The following GALNT18 variants were observed in gnomAD, a reference collection of about 807,000 sequenced individuals.
The protein encoded by GALNT18 is GalNAc-transferase 18.
A neutral mutation model predicts 69.5 loss-of-function variants in GALNT18; 44 were observed. The observed-to-expected ratio is 0.63, with a 90% CI of 0.50 to 0.81. The LOEUF is 0.81. Among genes scored for constraint, GALNT18 ranks in the 40% least tolerant of loss-of-function variants. The probability of loss-of-function intolerance (pLI) is 0.00; values close to 1 mark genes in which losing one functional copy is unlikely to be tolerated. For missense variants in GALNT18, 715 were observed against 810.0 expected, an observed-to-expected ratio of 0.88 and a Z score of 1.42; for synonymous variants, 364 against 318.2, an observed-to-expected ratio of 1.14 and a Z score of -1.53.
chr11:11,575,879 C>T (rs79589296), intron 1 of GALNT18, among the ~76,000 whole-genome samples: 13 of 152,302 alleles, frequency 8.5e-5, no homozygotes, highest in South Asian at 4.1e-4. Flanking sequence ...CCTTTGAGGA[C>T]GAAATGCGAC....
rs768159879 is a variant in GALNT18, at chr11:11,543,754, TC to T, written c.235+77604del. ...CCAGCTGAGATCACTGACTCCTACATCCCATGGCTCTGTGATGTGACTGGGG... is the reference window on the plus strand; with the variant it reads ...CCAGCTGAGATCACTGACTCCTACATCCATGGCTCTGTGATGTGACTGGGG... On this transcript the variant is annotated intron_variant, in intron 1 of 10. Transcript: ENST00000227756. This position sits in a 1 kb window ranked among gnomAD's most constrained non-coding sequence, Gnocchi z 5.1. Among the ~76,000 whole-genome samples the T allele has an allele frequency of 1.3e-5, 2 of 152,200 alleles. No individual in the cohort carries two copies. Among genetic ancestry groups the T allele is most frequent in the Non-Finnish European group, 2.9e-5 (2 of 68,028 alleles).
Position 11,590,212 on chromosome 11 carries a change from T to C in GALNT18, c.235+31147A>G, listed in dbSNP as rs1859322230. On this transcript the variant is annotated intron_variant, in intron 1 of 10. Coordinates refer to ENST00000227756, the MANE Select transcript of GALNT18 (RefSeq NM_198516.3). The surrounding 1 kb of genome is among the most constrained non-coding windows in gnomAD (Gnocchi z 4.4). Reference sequence around the variant, plus strand: ...TACATGGCTGATTCTGTGAATAAAATGTGGTGGAAATTAGGTGCTCCATGC... The same window carrying C: ...TACATGGCTGATTCTGTGAATAAAACGTGGTGGAAATTAGGTGCTCCATGC... Among the ~76,000 whole-genome samples, 1 of 152,174 alleles carries C rather than the reference T, an allele frequency of 6.6e-6. No homozygotes were observed. Among genetic ancestry groups the C allele is most frequent in the Non-Finnish European group, 1.5e-5 (1 of 68,040 alleles).
chr11:11,333,983 A>T (rs373690496), intron 7 of GALNT18, among the ~76,000 whole-genome samples: 32 of 152,024 alleles, frequency 2.1e-4, no homozygotes, highest in African/African-American at 7.5e-4. Flanking sequence ...GATGAAGGCC[A>T]GCAAGCAGAT....
In GALNT18 at chr11:11,619,588, A is replaced by C. The variant is rs186130333; in HGVS notation, c.235+1771T>G. 6.6e-6 allele frequency among the ~76,000 whole-genome samples: 1 copy of C among 152,092 alleles called. No individual in the cohort carries two copies. The highest frequency in any genetic ancestry group is 1.5e-5 in the Non-Finnish European group (1 of 68,014). On this transcript the variant is annotated intron_variant, in intron 1 of 10. Coordinates refer to ENST00000227756, the MANE Select transcript of GALNT18 (RefSeq NM_198516.3). This position sits in a 1 kb window ranked among gnomAD's most constrained non-coding sequence, Gnocchi z 4.9. ...CCAGAAAGAAAAGCACAAGAGAATC[A>C]TTTTCCAGGAACACACACACACACA...
At position 11,435,129 on chromosome 11, in the gene GALNT18, C is replaced by G. The variant is rs79570216; in HGVS notation, c.429-2342G>C. Among the ~76,000 whole-genome samples, 3,878 of 152,336 alleles carry G rather than the reference C, an allele frequency of 0.025. 165 individuals carry two copies. The highest frequency in any genetic ancestry group is 0.089 in the African/African-American group (3,700 of 41,566). On this transcript the variant is annotated intron_variant, in intron 2 of 10. Transcript: ENST00000227756. The surrounding 1 kb of genome is among the most constrained non-coding windows in gnomAD (Gnocchi z 4.4). ...CACTGTCCTCCCTACTAAAACTCCA[C>G]CAGCAATGAAGACTTTGCTTCTGTA...
chr11:11,408,306 A>C (rs1255692972), intron 3 of GALNT18, among the ~76,000 whole-genome samples: 1 of 144,128 alleles, frequency 6.9e-6, no homozygotes, highest in East Asian at 2.1e-4. Context: ...CAGAGGCTGC[A>C]GTGAGCCAAG....
intron 9 of GALNT18, among the ~76,000 whole-genome samples, chr11:11,326,435 T>C (rs1849920118): frequency 6.6e-6 from 1 of 152,244 alleles, no homozygotes; most frequent in African/African-American, 2.4e-5. Flanking sequence ...ATGACATTCT[T>C]GGTCAAGGGT....
intron 6 of GALNT18, among the ~76,000 whole-genome samples, chr11:11,354,340 C>T (rs913449569): frequency 3.9e-5 from 6 of 152,086 alleles, no homozygotes; most frequent in African/African-American, 7.2e-5. Context: ...TTTAGAAGCA[C>T]AGTAAGATAT....
intron 2 of GALNT18, among the ~76,000 whole-genome samples, chr11:11,437,229 C>T (rs1025453732): frequency 6.6e-6 from 1 of 152,206 alleles, no homozygotes; most frequent in African/African-American, 2.4e-5. Context: ...CGAGCCCATG[C>T]TCATTTTGAG....
intron 10 of GALNT18, 152 bp from the exon 11 acceptor site, chr11:11,271,442 ATCAC>A (rs749471112): frequency 2.7e-6 from 2 of 730,636 alleles, no homozygotes; most frequent in Non-Finnish European, 4.6e-6. Flanking sequence ...AGGCTCCCCT[ATCAC>A]TCATATATTA....
rs988668807 is a variant in GALNT18, at chr11:11,505,969, C to T, written c.236-57033G>A. Among the ~76,000 whole-genome samples, 2 of 152,148 alleles carry T rather than the reference C, an allele frequency of 1.3e-5. No individual in the cohort carries two copies. Among genetic ancestry groups the T allele is most frequent in the African/African-American group, 4.8e-5 (2 of 41,432 alleles). ...AGTACAGGTTAGCAAGCATTTAAAG[C>T]TCAGCTCAGCTTTCAGGGACAAAAT... is the stretch of plus-strand genomic sequence containing the variant. On this transcript the variant is annotated intron_variant, in intron 1 of 10. Coordinates refer to ENST00000227756, the MANE Select transcript of GALNT18 (RefSeq NM_198516.3). This position sits in a 1 kb window ranked among gnomAD's most constrained non-coding sequence, Gnocchi z 4.6.
chr11:11,477,407 C>A (rs1292518839), intron 1 of GALNT18, among the ~76,000 whole-genome samples: 1 of 152,198 alleles, frequency 6.6e-6, no homozygotes, highest in Non-Finnish European at 1.5e-5. Flanking sequence ...AGAGAACTCA[C>A]ACAATCACAA....
chr11:11,287,830 C>G (rs1387732260), intron 10 of GALNT18, among the ~76,000 whole-genome samples: 8 of 152,018 alleles, frequency 5.3e-5, no homozygotes, highest in Non-Finnish European at 1.5e-5. Context: ...TTCTGCCTGC[C>G]CACCAAATGT....
chr11:11,284,447 G>GTGGTC (rs1302364031), intron 10 of GALNT18, among the ~76,000 whole-genome samples: 1 of 152,180 alleles, frequency 6.6e-6, no homozygotes, highest in Non-Finnish European at 1.5e-5. Context: ...GGTGGTGGTG[G>GTGGTC]TGGTCTGGGA....
In GALNT18 at chr11:11,448,845, G is replaced by C; in HGVS notation, c.327C>G (p.Gly109=). 1.9e-6 allele frequency: 3 copies of C among 1,611,484 alleles called. No individual in the cohort carries two copies. Among genetic ancestry groups the C allele is most frequent in the Non-Finnish European group, 2.5e-6 (3 of 1,178,954 alleles). The part of the protein sequence containing the change: ...AHWGQELSPE[G]RRVALKQFQY... ...GGAATTGCTTCAGGGCCACGCGCCG[G>C]CCTTCGGGGCTGAGCTCCTGGCCCC... The change falls in exon 2 of 11, where the codon GGC becomes GGG. Residue 109 remains glycine, a synonymous_variant. Coordinates refer to ENST00000227756, the MANE Select transcript of GALNT18 (RefSeq NM_198516.3).
intron 2 of GALNT18, among the ~76,000 whole-genome samples, chr11:11,447,755 G>C (rs914106329): frequency 6.6e-6 from 1 of 152,088 alleles, no homozygotes; most frequent in African/African-American, 2.4e-5. Context: ...GAACAGTATG[G>C]GGGAAACCAC....
At chr11:11,516,315 C>G (rs1490981575) in intron 1 of GALNT18, among the ~76,000 whole-genome samples, 1 of 152,200 alleles carries the variant, frequency 6.6e-6, no homozygotes, top group African/African-American at 2.4e-5. Context: ...GACTTAAATT[C>G]TCGTCTCAGC....
chr11:11,360,201 A>G (rs1355331530), intron 6 of GALNT18, among the ~76,000 whole-genome samples: 2 of 152,194 alleles, frequency 1.3e-5, no homozygotes, highest in Non-Finnish European at 2.9e-5. Flanking sequence ...GTCAATGTTG[A>G]CAGGTCAAAT....
chr11:11,278,426 A>T (rs1306626155), intron 10 of GALNT18, among the ~76,000 whole-genome samples: 1 of 151,788 alleles, frequency 6.6e-6, no homozygotes, highest in African/African-American at 2.4e-5. Flanking sequence ...TGATGGGTTG[A>T]TGGGTGCAGC....
Sources: gnomAD v4.1 joint callset for allele counts (sites outside exome capture counted in the v4.1 genomes callset) on GRCh38, gnomAD v4.1.1 for gene constraint, Gnocchi (gnomAD v3.1) non-coding constraint, MANE v1.5 for transcripts, NCBI Gene and HGNC (gene_info 2026-07-23, HGNC 2026-07-21) for gene names.